PPP1R21: variants seen among roughly 807,000 people sequenced by gnomAD.
The protein encoded by PPP1R21 is protein phosphatase 1 regulatory subunit 21, also known as KLRAQ motif containing 1.
Under a neutral mutation model 112.8 loss-of-function variants are expected in PPP1R21, and 85 were observed. The ratio of observed to expected loss-of-function variants is 0.75; its 90% CI spans 0.63 to 0.90. The LOEUF (loss-of-function observed/expected upper bound fraction) is 0.90. Ranked by LOEUF, PPP1R21 falls within the 40% of genes least tolerant of loss-of-function variation. The pLI, the probability that PPP1R21 is intolerant of heterozygous loss-of-function variation, is 0.00. For missense variants in PPP1R21, 1,199 were observed against 901.5 expected, an observed-to-expected ratio of 1.33 and a Z score of -4.23; for synonymous variants, 381 against 322.3, an observed-to-expected ratio of 1.18 and a Z score of -1.95.
rs768274926 is a variant in PPP1R21, at chr2:48,514,793, G to A, written c.*49G>A. On this transcript the variant is annotated 3_prime_UTR_variant, in exon 22 of 22. Transcript: ENST00000294952. ...TGTTCTTTCCAGACCTGCTCCTGCT[G>A]CACAGAGCCGCAGGGCTGAGACCAC... is the stretch of plus-strand genomic sequence containing the variant. The A allele has an allele frequency of 3.1e-6, 5 of 1,603,438 alleles. No homozygotes were observed. The South Asian group carries it at 4.4e-5, about 14-fold the overall frequency.
intron 7 of PPP1R21, among the ~76,000 whole-genome samples, chr2:48,463,107 A>G (rs546981372): frequency 2.6e-5 from 4 of 152,322 alleles, no homozygotes; most frequent in African/African-American, 9.6e-5. Context: ...CTGCTGATGT[A>G]TGCCTTTCTA....
At chr2:48,478,041 G>A (rs965637280) in intron 12 of PPP1R21, among the ~76,000 whole-genome samples, 1 of 152,180 alleles carries the variant, frequency 6.6e-6, no homozygotes, top group African/African-American at 2.4e-5. Context: ...GATACAAGGG[G>A]GAAGGCCATA....
At chr2:48,478,591 A>G (rs1668863059) in intron 12 of PPP1R21, among the ~76,000 whole-genome samples, 1 of 152,192 alleles carries the variant, frequency 6.6e-6, no homozygotes, top group South Asian at 2.1e-4. Flanking sequence ...TATTCAGAGA[A>G]TCAATTCAGT....
intron 11 of PPP1R21, 47 bp from the exon 12 acceptor site, chr2:48,474,636 G>C (rs1231521854): frequency 1.3e-6 from 2 of 1,551,546 alleles, no homozygotes; most frequent in Non-Finnish European, 8.7e-7. Flanking sequence ...GTAGCTAATT[G>C]AAAATCGTTT....
chr2:48,511,296 C>A (rs138728927), intron 20 of PPP1R21, 44 bp from the exon 21 acceptor site: 2 of 1,577,556 alleles, frequency 1.3e-6, no homozygotes, highest in East Asian at 4.5e-5. Context: ...CAGAGTGGTA[C>A]GACTCGTGGG....
At chr2:48,450,713 T>G (rs1667433164) in intron 1 of PPP1R21, among the ~76,000 whole-genome samples, 1 of 152,216 alleles carries the variant, frequency 6.6e-6, no homozygotes, top group Non-Finnish European at 1.5e-5. Flanking sequence ...GGACTTGGTT[T>G]TATAGAAAGA....
At chr2:48,494,366 A>G (rs891936234) in intron 15 of PPP1R21, among the ~76,000 whole-genome samples, 1 of 151,558 alleles carries the variant, frequency 6.6e-6, no homozygotes, top group African/African-American at 2.4e-5. Flanking sequence ...AAACACTTAC[A>G]TTAGCCTACA....
chr2:48,454,518 A>T, intron 2 of PPP1R21, 77 bp from the exon 3 acceptor site: 1 of 1,532,662 alleles, frequency 6.5e-7, no homozygotes, highest in Middle Eastern at 1.9e-4. Context: ...TTTTGGTGAA[A>T]TAGAAATAAT....
intron 17 of PPP1R21, 101 bp from the exon 18 acceptor site, chr2:48,505,463 A>G: frequency 8.2e-6 from 7 of 854,370 alleles, no homozygotes; most frequent in South Asian, 5.9e-5. Context: ...TGTACCCTCA[A>G]TGCTCTGTGA....
In PPP1R21 at chr2:48,460,085, T is replaced by A; in HGVS notation, c.541-10T>A. ...GAGCCATCTGTGTTTCTTTTTCTTC[T>A]GAAATTCAGGTGAAATCTCAGACTC... is the stretch of plus-strand genomic sequence containing the variant. On this transcript the variant is annotated splice_polypyrimidine_tract_variant and intron_variant, in intron 5 of 21. Coordinates refer to ENST00000294952, the MANE Select transcript of PPP1R21 (RefSeq NM_001135629.3). The A allele has an allele frequency of 1.2e-6, 2 of 1,614,124 alleles. No homozygotes were observed. Among genetic ancestry groups the A allele is most frequent in the Non-Finnish European group, 1.7e-6 (2 of 1,179,988 alleles).
chr2:48,444,711 T>C (rs1441404406), intron 1 of PPP1R21, among the ~76,000 whole-genome samples: 1 of 152,188 alleles, frequency 6.6e-6, no homozygotes, highest in Non-Finnish European at 1.5e-5. Context: ...CTGCACCTAT[T>C]GAATCTGAAA....
chr2:48,511,243 A>G (rs1670623988), intron 20 of PPP1R21, 97 bp from the exon 21 acceptor site: 2 of 1,197,788 alleles, frequency 1.7e-6, no homozygotes, highest in Non-Finnish European at 2.4e-6. Flanking sequence ...GGAAACTATA[A>G]TTTCCCTACT....
chr2:48,510,070 C>G lies in PPP1R21; in HGVS notation c.2141C>G (p.Thr714Arg). ...ALAEKSKEALTEEMKLASQNI... is the reference protein window; with the variant it reads ...ALAEKSKEALREEMKLASQNI... ...GCTGAAAAGTCTAAGGAAGCATTGA[C>G]AGAAGAAATGAAACTTGCCAGTCAG... The change falls in exon 20 of 22, where the codon ACA becomes AGA. Residue 714 changes from threonine to arginine, a missense_variant. By Grantham distance (71) the Thr-to-Arg change is moderately conservative. Coordinates refer to ENST00000294952, the MANE Select transcript of PPP1R21 (RefSeq NM_001135629.3). 1 of 1,614,026 alleles carries G rather than the reference C, an allele frequency of 6.2e-7. No homozygotes were observed. Among genetic ancestry groups the G allele is most frequent in the Non-Finnish European group, 8.5e-7 (1 of 1,179,918 alleles).
chr2:48,471,984 A>T (rs924253533), intron 11 of PPP1R21, among the ~76,000 whole-genome samples: 10 of 152,132 alleles, frequency 6.6e-5, no homozygotes, highest in Non-Finnish European at 1.5e-5. Context: ...TCACGCCTGT[A>T]ATCCCAGCAC....
intron 4 of PPP1R21, among the ~76,000 whole-genome samples, chr2:48,458,830 T>A (rs562632720): frequency 3.9e-5 from 6 of 152,086 alleles, no homozygotes; most frequent in East Asian, 3.9e-4. Context: ...CAGTGTCTCA[T>A]GCCTGTAATC....
At chr2:48,478,331 A>G (rs1404576128) in intron 12 of PPP1R21, among the ~76,000 whole-genome samples, 1 of 152,232 alleles carries the variant, frequency 6.6e-6, no homozygotes, top group East Asian at 1.9e-4. Flanking sequence ...TCATGAACAT[A>G]GTATGTTTTT....
At chr2:48,470,909 G>A (rs1668469322) in intron 9 of PPP1R21, among the ~76,000 whole-genome samples, 178 bp from the exon 10 acceptor site, 1 of 152,160 alleles carries the variant, frequency 6.6e-6, no homozygotes, top group Non-Finnish European at 1.5e-5. Context: ...TCTGTGTTTA[G>A]CTTTTAAACC....
intron 2 of PPP1R21, among the ~76,000 whole-genome samples, chr2:48,454,187 G>A (rs1667607015): frequency 1.3e-5 from 2 of 152,134 alleles, no homozygotes; most frequent in African/African-American, 4.8e-5. Context: ...CTTGAACTCG[G>A]GTGGCGGAGG....
chr2:48,457,844 C>T (rs1219357789), intron 3 of PPP1R21, among the ~76,000 whole-genome samples: 1 of 152,196 alleles, frequency 6.6e-6, no homozygotes, highest in Non-Finnish European at 1.5e-5. Flanking sequence ...CTGCTCCGTC[C>T]TCCAGCAGAA....
Sources: gnomAD v4.1 joint callset for allele counts (sites outside exome capture counted in the v4.1 genomes callset) on GRCh38, gnomAD v4.1.1 for gene constraint, MANE v1.5 for transcripts, NCBI Gene and HGNC (gene_info 2026-07-23, HGNC 2026-07-21) for gene names.